FOXO1: variants seen among roughly 807,000 people sequenced by gnomAD.
The protein encoded by FOXO1 is forkhead box protein O1.
In FOXO1, 6 loss-of-function variants were observed where a neutral mutation model predicts 44.1. The observed-to-expected ratio is 0.14, with a 90% CI of 0.07 to 0.27. FOXO1 has a LOEUF of 0.27. FOXO1 is among the 10% of genes least tolerant of loss of function. The probability of loss-of-function intolerance (pLI) is 1.00; values close to 1 mark genes in which losing one functional copy is unlikely to be tolerated. For missense variants in FOXO1, 737 were observed against 888.8 expected, an observed-to-expected ratio of 0.83 and a Z score of 2.17; for synonymous variants, 380 against 362.7, an observed-to-expected ratio of 1.05 and a Z score of -0.54.
chr13:40,586,440 C>A (rs1416493827), intron 1 of FOXO1, among the ~76,000 whole-genome samples: 1 of 152,164 alleles, frequency 6.6e-6, no homozygotes, highest in Non-Finnish European at 1.5e-5. Flanking sequence ...TCCAGGGAGA[C>A]CCCAATCCCA....
At chr13:40,646,599 T>A (rs1017425563) in intron 1 of FOXO1, among the ~76,000 whole-genome samples, 3 of 152,202 alleles carry the variant, frequency 2.0e-5, no homozygotes, top group African/African-American at 7.2e-5. Flanking sequence ...TTTTGTTTTG[T>A]TTCGTTTTGT....
intron 1 of FOXO1, among the ~76,000 whole-genome samples, chr13:40,649,141 A>C (rs1336015189): frequency 6.6e-6 from 1 of 152,212 alleles, no homozygotes; most frequent in Admixed American, 6.5e-5. Flanking sequence ...GCCACACAGA[A>C]ACAAGCCTCA....
At position 40,666,103 on chromosome 13, in the gene FOXO1, G is replaced by A. The variant is rs1050201433; in HGVS notation, c.110C>T (p.Ser37Leu). 8.9e-5 allele frequency: 125 copies of A among 1,408,690 alleles called. No homozygotes were observed. Among genetic ancestry groups the A allele is most frequent in the African/African-American group, 1.2e-4 (8 of 66,962 alleles). The allele number at this position is 1,408,690 out of a possible 1,614,324, so 87.3% of individuals were successfully genotyped here. Residue 37 changes from serine (S) to leucine (L), a missense_variant, in exon 1 of 3, where the codon TCG becomes TTG. Physicochemically the swap from Ser to Leu is moderately radical, Grantham distance 145. Coordinates refer to ENST00000379561, the MANE Select transcript of FOXO1 (RefSeq NM_002015.4). ...LPRPEFSQSN[S>L]ATSSPAPSGS... ...CGACGGCGCCGGGCTGGAGGTGGCCGAGTTGGACTGGCTAAACTCCGGCCT... is the reference window on the plus strand; with the variant it reads ...CGACGGCGCCGGGCTGGAGGTGGCCAAGTTGGACTGGCTAAACTCCGGCCT...
At chr13:40,638,318 T>A (rs774951499) in intron 1 of FOXO1, among the ~76,000 whole-genome samples, 5 of 152,128 alleles carry the variant, frequency 3.3e-5, no homozygotes, top group African/African-American at 1.2e-4. Flanking sequence ...CATAAGGAGA[T>A]AACTTATAGA....
chr13:40,666,332 C>G lies in FOXO1; in HGVS notation c.-120G>C, dbSNP rs1453638548. The G allele has an allele frequency of 4.5e-5, 36 of 796,318 alleles. No homozygotes were observed. Among genetic ancestry groups the G allele is most frequent in the Non-Finnish European group, 6.2e-5 (35 of 566,966 alleles). The allele number at this position is 796,318 out of a possible 1,614,324, so 49.3% of individuals were successfully genotyped here. Reference sequence around the variant, plus strand: ...GAGATTTGGGGGAACGAAGCCGGTGCGGCGAGCGGACGGAAACTGGGAGGA... The same window carrying G: ...GAGATTTGGGGGAACGAAGCCGGTGGGGCGAGCGGACGGAAACTGGGAGGA... On this transcript the variant is annotated 5_prime_UTR_variant, in exon 1 of 3. Transcript: ENST00000379561.
intron 1 of FOXO1, among the ~76,000 whole-genome samples, chr13:40,562,406 A>AGGTGAC (rs1365616540): frequency 2.0e-5 from 3 of 152,192 alleles, no homozygotes; most frequent in African/African-American, 7.2e-5. Context: ...TGGCTCTGCT[A>AGGTGAC]CTTACTTACC....
intron 1 of FOXO1, among the ~76,000 whole-genome samples, chr13:40,563,596 C>A (rs1874134177): frequency 6.6e-6 from 1 of 150,962 alleles, no homozygotes; most frequent in Admixed American, 6.6e-5. Flanking sequence ...CCAAGAATCC[C>A]CACCTTCCTC....
intron 1 of FOXO1, among the ~76,000 whole-genome samples, chr13:40,612,041 C>A (rs1031610720): frequency 2.6e-5 from 4 of 151,912 alleles, no homozygotes; most frequent in African/African-American, 9.7e-5. Context: ...TGCACTCCAG[C>A]GTGGGAGACA....
chr13:40,655,258 G>A (rs1872722884), intron 1 of FOXO1, among the ~76,000 whole-genome samples: 1 of 151,414 alleles, frequency 6.6e-6, no homozygotes, highest in African/African-American at 2.4e-5. Context: ...GGTGAGGCAG[G>A]AGAATCGCTT....
intron 1 of FOXO1, among the ~76,000 whole-genome samples, chr13:40,658,937 G>A (rs995330877): frequency 9.9e-5 from 15 of 152,082 alleles, no homozygotes; most frequent in South Asian, 4.1e-4. Flanking sequence ...GCGTGAACCC[G>A]GGAGGCGGAG....
At chr13:40,615,542 TAC>T in intron 1 of FOXO1, among the ~76,000 whole-genome samples, 1 of 147,014 alleles carries the variant, frequency 6.8e-6, no homozygotes, top group Non-Finnish European at 1.5e-5. Context: ...CATACATACA[TAC>T]ATACATACAT....
At chr13:40,642,104 G>C (rs1353765391) in intron 1 of FOXO1, among the ~76,000 whole-genome samples, 1 of 152,188 alleles carries the variant, frequency 6.6e-6, no homozygotes, top group Non-Finnish European at 1.5e-5. Context: ...GGGATAGTGG[G>C]AATATCTACA....
intron 1 of FOXO1, among the ~76,000 whole-genome samples, chr13:40,661,193 T>A (rs1023657852): frequency 2.6e-5 from 4 of 152,174 alleles, no homozygotes; most frequent in African/African-American, 9.7e-5. Context: ...AGATGCTACA[T>A]TTAGCTGCAT....
At chr13:40,568,616 G>C (rs1874360600) in intron 1 of FOXO1, among the ~76,000 whole-genome samples, 1 of 152,192 alleles carries the variant, frequency 6.6e-6, no homozygotes, top group Admixed American at 6.5e-5. Context: ...ATCAATGTTA[G>C]AAAGTGTTTA....
rs1300750529 is a variant in FOXO1 at position 40,557,531 on chromosome 13, A to C, written c.*1518T>G. 1.3e-5 allele frequency: 2 copies of C among 152,236 alleles called. No homozygotes were observed. Among genetic ancestry groups the C allele is most frequent in the Non-Finnish European group, 2.9e-5 (2 of 68,034 alleles). 9.4% of individuals were successfully genotyped at this position (152,236 alleles called of 1,614,324 possible). A position where few individuals can be genotyped will look rare whatever the true frequency, so the allele number is the denominator to read the frequency against. Reference sequence around the variant, plus strand: ...CATTTGCTACCCATCTGAACTTATGAACACAAATTCTACAAACCACTCAAG... The same window carrying C: ...CATTTGCTACCCATCTGAACTTATGCACACAAATTCTACAAACCACTCAAG... On this transcript the variant is annotated 3_prime_UTR_variant, in exon 3 of 3. Coordinates refer to ENST00000379561, the MANE Select transcript of FOXO1 (RefSeq NM_002015.4).
In FOXO1 at chr13:40,665,913, C is replaced by A. The variant is rs1280076008; in HGVS notation, c.300G>T (p.Ala100=). 1 of 1,188,372 alleles carries A rather than the reference C, an allele frequency of 8.4e-7. No individual in the cohort carries two copies. The highest frequency in any genetic ancestry group is 4.6e-5 in the Admixed American group (1 of 21,746). The allele number at this position is 1,188,372 out of a possible 1,614,324, so 73.6% of individuals were successfully genotyped here. ...VAAAVAAAAA[A]AATGGLCGDF... is the part of the protein sequence containing the mutation. Reference sequence around the variant, plus strand: ...CCCCGCACAGCCCCCCGGTGGCGGCCGCGGCGGCCGCCGCCGCCACCGCCG... The same window carrying A: ...CCCCGCACAGCCCCCCGGTGGCGGCAGCGGCGGCCGCCGCCGCCACCGCCG... Residue 100 remains alanine, a synonymous_variant, in exon 1 of 3, where the codon GCG becomes GCT. Transcript: ENST00000379561.
At chr13:40,573,404 C>G (rs1358045946) in intron 1 of FOXO1, among the ~76,000 whole-genome samples, 1 of 152,184 alleles carries the variant, frequency 6.6e-6, no homozygotes, top group Non-Finnish European at 1.5e-5. Flanking sequence ...CAAGTTGAGT[C>G]TGCCCTGGAA....
At chr13:40,631,646 A>C (rs141456643) in intron 1 of FOXO1, among the ~76,000 whole-genome samples, 2 of 152,218 alleles carry the variant, frequency 1.3e-5, no homozygotes, top group African/African-American at 4.8e-5. Context: ...CCTTGAAGAC[A>C]TTGTGCTAAG....
intron 1 of FOXO1, among the ~76,000 whole-genome samples, chr13:40,648,350 G>C (rs1877574258): frequency 6.6e-6 from 1 of 152,042 alleles, no homozygotes. Context: ...ACTAGTAAAG[G>C]CATCACAAAA....
Sources: allele counts gnomAD v4.1 joint callset (sites outside exome capture counted in the v4.1 genomes callset), GRCh38; gene constraint gnomAD v4.1.1; transcripts MANE v1.5; gene names NCBI Gene and HGNC (gene_info 2026-07-23, HGNC 2026-07-21).